CSDC2: variants seen among roughly 807,000 people sequenced by gnomAD.
The protein encoded by CSDC2 is cold shock domain containing C2, also known as cold shock domain-containing protein C2.
A neutral mutation model predicts 15.8 loss-of-function variants in CSDC2; 8 were observed. The ratio of observed to expected loss-of-function variants is 0.51; its 90% CI spans 0.30 to 0.92. The LOEUF is 0.92. Ranked by LOEUF, CSDC2 falls within the 40% of genes least tolerant of loss-of-function variation. The pLI is 0.07. For synonymous variants in CSDC2, 96 were observed against 92.3 expected, an observed-to-expected ratio of 1.04 and a Z score of -0.23; for missense variants, 195 against 213.3, an observed-to-expected ratio of 0.91 and a Z score of 0.53.
At position 41,576,627 on chromosome 22, in the gene CSDC2, T is replaced by G. The variant is rs1202514928; in HGVS notation, c.*1732T>G. On this transcript the variant is annotated 3_prime_UTR_variant, in exon 4 of 4. Coordinates refer to ENST00000306149, the MANE Select transcript of CSDC2 (RefSeq NM_014460.4). ...ACCCCTGGCCACCCAGACCCCCCAT[T>G]CTTCCTAACACTGGCAATAAACCCT... is the stretch of plus-strand genomic sequence containing the variant. 6.4e-6 allele frequency: 1 copy of G among 155,044 alleles called. No individual in the cohort carries two copies. Among genetic ancestry groups the G allele is most frequent in the Non-Finnish European group, 1.4e-5 (1 of 69,982 alleles). 9.6% of individuals were successfully genotyped at this position (155,044 alleles called of 1,614,324 possible).
At chr22:41,574,585 T>A in intron 3 of CSDC2, 148 bp from the exon 4 acceptor site, 1 of 884,370 alleles carries the variant, frequency 1.1e-6, no homozygotes, top group South Asian at 1.8e-5. Flanking sequence ...TTTTACAGAT[T>A]CGAGAGCTGA....
chr22:41,565,793 A>ACTTCTAGGCCCCTTTGTCTG (rs1251001807), intron 1 of CSDC2, among the ~76,000 whole-genome samples: 4 of 152,152 alleles, frequency 2.6e-5, no homozygotes, highest in Admixed American at 2.6e-4. Flanking sequence ...ATTTGTGTTT[A>ACTTCTAGGCCCCTTTGTCTG]CTTCTAGGCC....
chr22:41,563,284 G>T (rs893565477), intron 1 of CSDC2, among the ~76,000 whole-genome samples: 11 of 152,084 alleles, frequency 7.2e-5, no homozygotes, highest in Admixed American at 2.0e-4. Flanking sequence ...GGAGGCTGGG[G>T]GAGGGGGAGG....
chr22:41,563,294 G>C (rs542380868), intron 1 of CSDC2, among the ~76,000 whole-genome samples: 1 of 152,154 alleles, frequency 6.6e-6, no homozygotes, highest in African/African-American at 2.4e-5. Flanking sequence ...GGAGGGGGAG[G>C]AGCCAGGGAA....
At chr22:41,571,309 G>A (rs990724053) in intron 1 of CSDC2, among the ~76,000 whole-genome samples, 1 of 152,114 alleles carries the variant, frequency 6.6e-6, no homozygotes, top group Non-Finnish European at 1.5e-5. Flanking sequence ...AGCCGAGATC[G>A]TGCCAATGCA....
intron 1 of CSDC2, among the ~76,000 whole-genome samples, chr22:41,567,685 A>G (rs1184478493): frequency 6.6e-6 from 1 of 152,248 alleles, no homozygotes; most frequent in Admixed American, 6.5e-5. Flanking sequence ...GCCTGGACAC[A>G]GGACTCCTGC....
At position 41,566,752 on chromosome 22, in the gene CSDC2, C is replaced by T. The variant is rs572948066; in HGVS notation, c.-123-5091C>T. On this transcript the variant is annotated intron_variant, in intron 1 of 3. Transcript: ENST00000306149. ...CAGGAGATCGAGACCACAGTGAAAC[C>T]CCGTCTCTACTAAAAATACAAAAAA... Among the ~76,000 whole-genome samples, 32 of 151,400 alleles carry T rather than the reference C, an allele frequency of 2.1e-4. 1 individual carries two copies. The South Asian group carries it at 2.5e-3, about 12-fold the overall frequency.
chr22:41,563,976 C>T (rs1378172382), intron 1 of CSDC2, among the ~76,000 whole-genome samples: 1 of 149,598 alleles, frequency 6.7e-6, no homozygotes, highest in African/African-American at 2.5e-5. Flanking sequence ...CCCAGCTACT[C>T]GGGAGGCTGA....
chr22:41,563,105 A>T (rs1013941191), intron 1 of CSDC2, among the ~76,000 whole-genome samples: 2 of 152,174 alleles, frequency 1.3e-5, no homozygotes, highest in African/African-American at 4.8e-5. Flanking sequence ...TGGGCATGTG[A>T]CAAGGAGGAC....
At chr22:41,566,796 A>G (rs1379882725) in intron 1 of CSDC2, among the ~76,000 whole-genome samples, 8 of 149,716 alleles carry the variant, frequency 5.3e-5, no homozygotes, top group East Asian at 2.0e-4. Flanking sequence ...GCGTGGTGGC[A>G]GGCGCCTGTA....
chr22:41,563,098 G>T (rs1341159366), intron 1 of CSDC2, among the ~76,000 whole-genome samples: 1 of 152,148 alleles, frequency 6.6e-6, no homozygotes, highest in Non-Finnish European at 1.5e-5. Flanking sequence ...GGCAGCCTGG[G>T]CATGTGACAA....
chr22:41,572,858 G>A (rs1031571049), intron 2 of CSDC2, among the ~76,000 whole-genome samples: 3 of 152,132 alleles, frequency 2.0e-5, no homozygotes, highest in Admixed American at 6.5e-5. Flanking sequence ...GGAGTAATAC[G>A]GGTCCATATG....
At chr22:41,561,972 C>T (rs775856222) in intron 1 of CSDC2, among the ~76,000 whole-genome samples, 8 of 152,228 alleles carry the variant, frequency 5.3e-5, no homozygotes, top group African/African-American at 1.2e-4. Flanking sequence ...TAAGGGGCGA[C>T]GCTGGCACCC....
At chr22:41,572,312 C>A (rs2067149028) in intron 2 of CSDC2, among the ~76,000 whole-genome samples, 171 bp downstream of exon 2, 1 of 145,650 alleles carries the variant, frequency 6.9e-6, no homozygotes, top group Admixed American at 6.9e-5. Flanking sequence ...ATCCACCCAT[C>A]CACCCATCCA....
At chr22:41,573,049 T>A (rs1052078163) in intron 2 of CSDC2, among the ~76,000 whole-genome samples, 8 of 151,986 alleles carry the variant, frequency 5.3e-5, no homozygotes, top group East Asian at 1.9e-4. Flanking sequence ...CTCATTTTTT[T>A]AAAAAAATGT....
At chr22:41,572,387 CCCATCCAT>C (rs1464431257) in intron 2 of CSDC2, among the ~76,000 whole-genome samples, 3 of 38,724 alleles carry the variant, frequency 7.7e-5, no homozygotes, top group African/African-American at 2.3e-4. Flanking sequence ...CACCCACCCA[CCCATCCAT>C]CCATCCATCC....
chr22:41,573,253 G>C (rs938170982), intron 2 of CSDC2, among the ~76,000 whole-genome samples: 1 of 152,058 alleles, frequency 6.6e-6, no homozygotes, highest in Non-Finnish European at 1.5e-5. Flanking sequence ...TACTCAGGAG[G>C]CTGAGGCATG....
intron 1 of CSDC2, among the ~76,000 whole-genome samples, chr22:41,562,537 C>A (rs1376067597): frequency 6.6e-6 from 1 of 151,934 alleles, no homozygotes; most frequent in Non-Finnish European, 1.5e-5. Context: ...TTCACGGATG[C>A]GCAGGGGGAT....
At chr22:41,572,851 G>A (rs2067154954) in intron 2 of CSDC2, among the ~76,000 whole-genome samples, 2 of 152,198 alleles carry the variant, frequency 1.3e-5, no homozygotes, top group African/African-American at 4.8e-5. Context: ...GCATAGGGGA[G>A]TAATACGGGT....
Sources: gnomAD v4.1 joint callset for allele counts (sites outside exome capture counted in the v4.1 genomes callset) on GRCh38, gnomAD v4.1.1 for gene constraint, MANE v1.5 for transcripts, NCBI Gene and HGNC (gene_info 2026-07-23, HGNC 2026-07-21) for gene names.